Variants in GALNT17 observed in about 807,000 individuals in gnomAD.
GALNT17 encodes polypeptide N-acetylgalactosaminyltransferase 17.
In GALNT17, 29 loss-of-function variants were observed where a neutral mutation model predicts 63.7. That is an observed-to-expected ratio of 0.46 (90% confidence interval 0.34 to 0.62). The LOEUF (loss-of-function observed/expected upper bound fraction) is 0.62. Among genes scored for constraint, GALNT17 ranks in the 20% least tolerant of loss-of-function variants. The pLI is 0.01. For missense variants in GALNT17, 603 were observed against 799.6 expected (o/e 0.75, Z 2.97); for synonymous variants, 305 against 318.3 (o/e 0.96, Z 0.45).
At chr7:71,405,481 A>T (rs1258655814) in intron 3 of GALNT17, among the ~76,000 whole-genome samples, 1 of 152,156 alleles carries the variant, frequency 6.6e-6, no homozygotes, top group African/African-American at 2.4e-5. Context: ...AATAATAATA[A>T]AATATTAGCC....
intron 1 of GALNT17, among the ~76,000 whole-genome samples, chr7:71,151,141 A>C (rs1425528373): frequency 6.6e-6 from 1 of 152,094 alleles, no homozygotes; most frequent in Non-Finnish European, 1.5e-5. Context: ...TTATTTATGG[A>C]CTAATTCAGT....
At position 71,190,575 on chromosome 7, in the gene GALNT17, G is replaced by A. The variant is rs139892654; in HGVS notation, c.238+57535G>A. ...TTTTCTTCATAAATTACCCAGTCTC[G>A]GGTATTTGTTTATAGCAGTGCAAGA... On this transcript the variant is annotated intron_variant, in intron 1 of 10. Transcript: ENST00000333538. 8.4e-3 allele frequency among the ~76,000 whole-genome samples: 1,280 copies of A among 152,152 alleles called. 12 individuals are homozygous for A. Among genetic ancestry groups the A allele is most frequent in the African/African-American group, 0.017 (726 of 41,494 alleles).
intron 1 of GALNT17, among the ~76,000 whole-genome samples, chr7:71,323,608 G>A (rs6946985): frequency 0.012 from 1,844 of 152,280 alleles, 39 homozygotes; most frequent in African/African-American, 0.041. Context: ...CAAATATCAA[G>A]ATCATCGTAC....
chr7:71,625,565 G>A (rs1026518763), intron 6 of GALNT17, among the ~76,000 whole-genome samples: 3 of 152,064 alleles, frequency 2.0e-5, no homozygotes, highest in Non-Finnish European at 4.4e-5. Context: ...TTGGGGGTGG[G>A]GTGATCATGT....
intron 9 of GALNT17, among the ~76,000 whole-genome samples, chr7:71,705,511 A>T (rs550117893): frequency 9.1e-4 from 139 of 152,250 alleles, no homozygotes; most frequent in African/African-American, 3.2e-3. Context: ...GAGTAATTCT[A>T]CTCCTAGGTG....
chr7:71,608,824 G>C (rs1790083599), intron 6 of GALNT17, among the ~76,000 whole-genome samples: 1 of 152,012 alleles, frequency 6.6e-6, no homozygotes, highest in South Asian at 2.1e-4. Context: ...TGTCACCTAG[G>C]CTGGAGTGCA....
At chr7:71,657,134 G>A (rs1790840650) in intron 6 of GALNT17, among the ~76,000 whole-genome samples, 1 of 152,160 alleles carries the variant, frequency 6.6e-6, no homozygotes, top group Non-Finnish European at 1.5e-5. Flanking sequence ...TTGAATATTA[G>A]AATTCTATGA....
chr7:71,312,752 A>G (rs970747768), intron 1 of GALNT17, among the ~76,000 whole-genome samples: 3 of 152,098 alleles, frequency 2.0e-5, no homozygotes, highest in Non-Finnish European at 4.4e-5. Flanking sequence ...CATCTCCAAT[A>G]TGTTTACATT....
At chr7:71,328,720 T>C (rs1791748278) in intron 1 of GALNT17, among the ~76,000 whole-genome samples, 1 of 150,956 alleles carries the variant, frequency 6.6e-6, no homozygotes, top group South Asian at 2.1e-4. Context: ...TGGAAGCACA[T>C]GGACCAAAAA....
At chr7:71,696,030 T>C (rs1791535726) in intron 9 of GALNT17, among the ~76,000 whole-genome samples, 1 of 152,232 alleles carries the variant, frequency 6.6e-6, no homozygotes, top group Non-Finnish European at 1.5e-5. Flanking sequence ...AAGCAATAAA[T>C]AAATGTACTC....
chr7:71,263,284 G>A (rs919742039), intron 1 of GALNT17, among the ~76,000 whole-genome samples: 5 of 152,004 alleles, frequency 3.3e-5, no homozygotes, highest in South Asian at 2.1e-4. Context: ...ATTTGAACCC[G>A]GGAGGCGGAG....
chr7:71,692,759 G>A (rs1054690310), intron 9 of GALNT17, among the ~76,000 whole-genome samples: 2 of 146,144 alleles, frequency 1.4e-5, no homozygotes, highest in African/African-American at 5.1e-5. Context: ...TTATTTTTGA[G>A]AAGGAATCTC....
At chr7:71,582,949 C>T (rs2116902439) in intron 6 of GALNT17, among the ~76,000 whole-genome samples, 1 of 152,144 alleles carries the variant, frequency 6.6e-6, no homozygotes, top group East Asian at 1.9e-4. Flanking sequence ...ACCCCCGTTC[C>T]CCAATAACCT....
intron 3 of GALNT17, among the ~76,000 whole-genome samples, chr7:71,407,490 G>A (rs921781914): frequency 2.0e-5 from 3 of 152,214 alleles, no homozygotes; most frequent in Admixed American, 6.5e-5. Flanking sequence ...GCTCATTCGT[G>A]TAATCCCAGC....
At chr7:71,136,868 C>T (rs1320999237) in intron 1 of GALNT17, among the ~76,000 whole-genome samples, 1 of 151,602 alleles carries the variant, frequency 6.6e-6, no homozygotes, top group Non-Finnish European at 1.5e-5. Context: ...CTCATTGCAA[C>T]CTCTACTTCC....
Position 71,515,298 on chromosome 7 carries a change from G to A in GALNT17, c.963-55987G>A, listed in dbSNP as rs371562113. 8.7e-4 allele frequency among the ~76,000 whole-genome samples: 133 copies of A among 152,306 alleles called. 6 individuals carry two copies. The South Asian group carries it at 0.015, about 17-fold the overall frequency. Reference sequence around the variant, plus strand: ...GGGACTACACATCTCCCTCAACCCTGAGTCCACTGGACTGTGCGTCTGCCA... The same window carrying A: ...GGGACTACACATCTCCCTCAACCCTAAGTCCACTGGACTGTGCGTCTGCCA... On this transcript the variant is annotated intron_variant, in intron 5 of 10. Coordinates refer to ENST00000333538, the MANE Select transcript of GALNT17 (RefSeq NM_022479.3).
intron 1 of GALNT17, among the ~76,000 whole-genome samples, chr7:71,333,951 GGGGTT>G (rs1791851676): frequency 6.6e-6 from 1 of 152,140 alleles, no homozygotes; most frequent in Non-Finnish European, 1.5e-5. Context: ...GCAGAGTTCA[GGGGTT>G]GTCATTTGAA....
intron 1 of GALNT17, among the ~76,000 whole-genome samples, chr7:71,199,129 T>C (rs1789113982): frequency 6.6e-6 from 1 of 152,218 alleles, no homozygotes; most frequent in African/African-American, 2.4e-5. Flanking sequence ...GAATGACTCA[T>C]TTAAGCACTT....
chr7:71,163,963 G>A (rs188642275), intron 1 of GALNT17, among the ~76,000 whole-genome samples: 3 of 152,272 alleles, frequency 2.0e-5, no homozygotes, highest in East Asian at 3.9e-4. Flanking sequence ...TGTAGAGACT[G>A]TCTGCCATTT....
Sources: allele counts gnomAD v4.1 joint callset (sites outside exome capture counted in the v4.1 genomes callset), GRCh38; gene constraint gnomAD v4.1.1; transcripts MANE v1.5; gene names NCBI Gene and HGNC (gene_info 2026-07-23, HGNC 2026-07-21).